FBXL17: variants seen among roughly 807,000 people sequenced by gnomAD.
FBXL17 encodes F-box/LRR-repeat protein 17.
Under a neutral mutation model 66.2 loss-of-function variants are expected in FBXL17, and 22 were observed. The observed-to-expected ratio is 0.33, with a 90% CI of 0.24 to 0.47. The LOEUF (loss-of-function observed/expected upper bound fraction) is 0.47, where lower values mean the gene tolerates loss of function less well. Ranked by LOEUF, FBXL17 falls within the 20% of genes least tolerant of loss-of-function variation. FBXL17 has a pLI of 1.00. For synonymous variants in FBXL17, 474 were observed against 400.5 expected, an observed-to-expected ratio of 1.18 and a Z score of -2.19; for missense variants, 878 against 948.2, an observed-to-expected ratio of 0.93 and a Z score of 0.97.
intron 1 of FBXL17, among the ~76,000 whole-genome samples, chr5:108,380,226 T>C (rs574952553): frequency 1.8e-4 from 28 of 152,254 alleles, no homozygotes; most frequent in African/African-American, 6.5e-4. Flanking sequence ...TGGGATATTA[T>C]ATATATAAAG....
At chr5:108,098,651 AG>A (rs1749480221) in intron 6 of FBXL17, among the ~76,000 whole-genome samples, 2 of 151,504 alleles carry the variant, frequency 1.3e-5, no homozygotes, top group South Asian at 4.2e-4. Flanking sequence ...AGGCTGAGGC[AG>A]GAAAATGGCG....
At chr5:107,866,099 T>A (rs201154565) in intron 8 of FBXL17, among the ~76,000 whole-genome samples, 18 of 144,174 alleles carry the variant, frequency 1.2e-4, no homozygotes, top group African/African-American at 3.9e-4. Context: ...TTTTTTTTTT[T>A]AATTTCCCCA....
Position 107,880,255 on chromosome 5 carries a change from G to C in FBXL17, c.1965+782C>G, listed in dbSNP as rs1040013479. On this transcript the variant is annotated intron_variant, in intron 8 of 8. Coordinates refer to ENST00000542267, the MANE Select transcript of FBXL17 (RefSeq NM_001163315.3). ...GCTAATTTTTTTTTGTTGGGGGAGA[G>C]GGGGATAGAGACAGGGTTTTCCCAT... 5.8e-6 allele frequency: 3 copies of C among 515,866 alleles called. No individual in the cohort carries two copies. In the African/African-American group the frequency reaches 6.2e-5, roughly 11 times the overall value. 32.0% of individuals were successfully genotyped at this position (515,866 alleles called of 1,614,324 possible).
At position 108,200,627 on chromosome 5, in the gene FBXL17, C is replaced by T. The variant is rs375401442; in HGVS notation, c.1615-14380G>A. Among the ~76,000 whole-genome samples the T allele has an allele frequency of 2.7e-5, 4 of 150,742 alleles. No individual in the cohort carries two copies. The East Asian group carries it at 7.8e-4, about 29-fold the overall frequency. ...ATGTTCAAAAGGGCCTCTGATAAAACACAATAACCAAGCATTTCCTCTGGT... is the reference window on the plus strand; with the variant it reads ...ATGTTCAAAAGGGCCTCTGATAAAATACAATAACCAAGCATTTCCTCTGGT... On this transcript the variant is annotated intron_variant, in intron 5 of 8. Coordinates refer to ENST00000542267, the MANE Select transcript of FBXL17 (RefSeq NM_001163315.3).
intron 1 of FBXL17, among the ~76,000 whole-genome samples, chr5:108,378,181 G>C (rs779774686): frequency 2.0e-5 from 3 of 151,040 alleles, no homozygotes; most frequent in Non-Finnish European, 4.4e-5. Flanking sequence ...CCAAAAATTA[G>C]CCTATGATGC....
chr5:108,010,902 C>T (rs988920986), intron 7 of FBXL17, among the ~76,000 whole-genome samples: 1 of 152,158 alleles, frequency 6.6e-6, no homozygotes, highest in Non-Finnish European at 1.5e-5. Context: ...CAATTACATA[C>T]CATTCCTGCC....
At chr5:107,928,282 T>C (rs1750601647) in intron 7 of FBXL17, among the ~76,000 whole-genome samples, 1 of 152,050 alleles carries the variant, frequency 6.6e-6, no homozygotes, top group Non-Finnish European at 1.5e-5. Context: ...AGACTTTGAC[T>C]AGCTTTGCAG....
At chr5:108,205,756 C>T (rs1201348019) in intron 5 of FBXL17, among the ~76,000 whole-genome samples, 3 of 152,012 alleles carry the variant, frequency 2.0e-5, no homozygotes, top group Non-Finnish European at 4.4e-5. Context: ...GACAGAGTCT[C>T]GCTCTGTCAC....
At chr5:108,361,504 G>T (rs540352862) in intron 3 of FBXL17, among the ~76,000 whole-genome samples, 1 of 151,998 alleles carries the variant, frequency 6.6e-6, no homozygotes, top group Non-Finnish European at 1.5e-5. Context: ...TTCTTAGGTC[G>T]TTCCTGAACA....
At chr5:108,197,814 C>CT (rs1180659872) in intron 5 of FBXL17, among the ~76,000 whole-genome samples, 1 of 151,972 alleles carries the variant, frequency 6.6e-6, no homozygotes. Flanking sequence ...AATAAAATAT[C>CT]TTTTTTTTCC....
At chr5:108,086,273 GA>G (rs974816974) in intron 6 of FBXL17, among the ~76,000 whole-genome samples, 3 of 152,100 alleles carry the variant, frequency 2.0e-5, no homozygotes, top group Non-Finnish European at 4.4e-5. Flanking sequence ...CCATAATCGG[GA>G]GGAAAAAATG....
intron 6 of FBXL17, among the ~76,000 whole-genome samples, chr5:108,121,050 C>T (rs1038493495): frequency 1.3e-5 from 2 of 152,122 alleles, no homozygotes; most frequent in Admixed American, 1.3e-4. Flanking sequence ...ATCTTTTTGG[C>T]CGAGTGCGGT....
chr5:107,940,242 T>TATTC (rs72049876), intron 7 of FBXL17, among the ~76,000 whole-genome samples: 5,245 of 151,068 alleles, frequency 0.035, 152 homozygotes, highest in African/African-American at 0.073. Context: ...GAATAAATTT[T>TATTC]ATTCATTCAT....
intron 5 of FBXL17, among the ~76,000 whole-genome samples, chr5:108,197,268 C>T (rs1425218648): frequency 6.6e-6 from 1 of 152,156 alleles, no homozygotes; most frequent in Non-Finnish European, 1.5e-5. Flanking sequence ...AATATTCACA[C>T]TGTTTCACTT....
At chr5:108,100,002 ATT>A (rs1414920944) in intron 6 of FBXL17, among the ~76,000 whole-genome samples, 2 of 152,148 alleles carry the variant, frequency 1.3e-5, no homozygotes, top group African/African-American at 4.8e-5. Context: ...TGTTTTTAGC[ATT>A]GTTTGCCTGT....
At position 108,275,932 on chromosome 5, in the gene FBXL17, T is replaced by C. The variant is rs541942811; in HGVS notation, c.1507-51704A>G. Among the ~76,000 whole-genome samples, 4 of 152,288 alleles carry C rather than the reference T, an allele frequency of 2.6e-5. No individual in the cohort carries two copies. In the East Asian group the frequency reaches 5.8e-4, roughly 22 times the overall value. On this transcript the variant is annotated intron_variant, in intron 4 of 8. Coordinates refer to ENST00000542267, the MANE Select transcript of FBXL17 (RefSeq NM_001163315.3). ...TGAGGAATGTTGGCAGGAGAGAATT[T>C]GTACATTGCATATAGATTTACCCTT...
chr5:108,168,168 T>C (rs896118673), intron 6 of FBXL17, among the ~76,000 whole-genome samples: 47 of 138,954 alleles, frequency 3.4e-4, no homozygotes, highest in African/African-American at 1.1e-3. Flanking sequence ...CAATTGCCCT[T>C]AAAATAGAAA....
chr5:108,182,528 G>A (rs1019745303), intron 6 of FBXL17, among the ~76,000 whole-genome samples: 5 of 152,134 alleles, frequency 3.3e-5, no homozygotes. Flanking sequence ...AAACCTAAAA[G>A]AGCTTGATCT....
intron 1 of FBXL17, among the ~76,000 whole-genome samples, chr5:108,373,022 G>A (rs1260500011): frequency 6.6e-6 from 1 of 151,640 alleles, no homozygotes; most frequent in Non-Finnish European, 1.5e-5. Context: ...AAATACAGGA[G>A]CAAAGTTTTT....
Sources: gnomAD v4.1 joint callset for allele counts (sites outside exome capture counted in the v4.1 genomes callset) on GRCh38, gnomAD v4.1.1 for gene constraint, MANE v1.5 for transcripts, NCBI Gene and HGNC (gene_info 2026-07-23, HGNC 2026-07-21) for gene names.